The following JMJD1C variants were observed in gnomAD, a reference collection of about 807,000 sequenced individuals.
JMJD1C encodes the protein jumonji domain containing 1C, also known as jumonji domain-containing protein 1C.
JMJD1C carries 31 observed loss-of-function variants against 245.3 expected under a neutral mutation model. The observed-to-expected ratio is 0.13, with a 90% CI of 0.09 to 0.17. The LOEUF (loss-of-function observed/expected upper bound fraction) is 0.17, where lower values mean the gene tolerates loss of function less well. Among genes scored for constraint, JMJD1C ranks in the 10% least tolerant of loss-of-function variants. The probability of loss-of-function intolerance (pLI) is 1.00; values close to 1 mark genes in which losing one functional copy is unlikely to be tolerated. For missense variants in JMJD1C, 2,691 were observed against 3,000.2 expected (o/e 0.90, Z 2.41); for synonymous variants, 1,057 against 1,017.4 (o/e 1.04, Z -0.74).
rs778976062 is a variant in JMJD1C at position 63,429,138 on chromosome 10, ACCTG to A, written c.168+36353_168+36356del. On this transcript the variant is annotated intron_variant, in intron 1 of 25. Coordinates refer to ENST00000399262, the MANE Select transcript of JMJD1C (RefSeq NM_032776.3). ...TGGGATTACAAACATGCACAACCAC[ACCTG>A]CCTAATTTTATATTTTTAGTAGAGA... 2.6e-5 allele frequency among the ~76,000 whole-genome samples: 4 copies of A among 152,130 alleles called. No homozygotes were observed. In the East Asian group the frequency reaches 5.8e-4, roughly 22 times the overall value.
intron 2 of JMJD1C, among the ~76,000 whole-genome samples, chr10:63,307,664 TA>T (rs34555515): frequency 6.6e-6 from 1 of 151,726 alleles, no homozygotes; most frequent in African/African-American, 2.4e-5. Flanking sequence ...AGTAGAGGGC[TA>T]AAAAGCAAAG....
At chr10:63,219,737 C>G (rs1848394695) in intron 4 of JMJD1C, 141 bp downstream of exon 4, 2 of 530,360 alleles carry the variant, frequency 3.8e-6, no homozygotes, top group African/African-American at 3.8e-5. Context: ...TATCACTCTG[C>G]TATTATTTTC....
chr10:63,370,563 ACTG>A (rs1946232646), intron 2 of JMJD1C, among the ~76,000 whole-genome samples: 2 of 152,238 alleles, frequency 1.3e-5, no homozygotes, highest in Admixed American at 1.3e-4. Context: ...TTCCTTGATA[ACTG>A]CTATTTTCCC....
At chr10:63,335,645 A>AGGATTACAGG (rs1942646177) in intron 2 of JMJD1C, among the ~76,000 whole-genome samples, 1 of 152,000 alleles carries the variant, frequency 6.6e-6, no homozygotes, top group African/African-American at 2.4e-5. Flanking sequence ...CCAAGTAGCT[A>AGGATTACAGG]GGATTACAGG....
intron 1 of JMJD1C, among the ~76,000 whole-genome samples, chr10:63,391,867 A>C (rs902049257): frequency 6.6e-6 from 1 of 152,216 alleles, no homozygotes; most frequent in South Asian, 2.1e-4. Context: ...ACAAAACTGA[A>C]GGAATCACAC....
At chr10:63,379,128 C>G (rs1270121480) in intron 2 of JMJD1C, among the ~76,000 whole-genome samples, 2 of 151,912 alleles carry the variant, frequency 1.3e-5, no homozygotes, top group African/African-American at 2.4e-5. Context: ...AGAAAAGCAT[C>G]AGGATTAACT....
chr10:63,491,160 G>C (rs1472717915), intron 1 of JMJD1C, among the ~76,000 whole-genome samples: 1 of 152,164 alleles, frequency 6.6e-6, no homozygotes, highest in African/African-American at 2.4e-5. Flanking sequence ...GGCAGATGGA[G>C]AAAACAGAAA....
At chr10:63,474,867 A>G (rs1163164575) in intron 1 of JMJD1C, among the ~76,000 whole-genome samples, 1 of 152,108 alleles carries the variant, frequency 6.6e-6, no homozygotes, top group Non-Finnish European at 1.5e-5. Context: ...AAAAAAAAAA[A>G]AGAATGAGTA....
intron 2 of JMJD1C, among the ~76,000 whole-genome samples, chr10:63,344,250 C>T (rs1235737250): frequency 6.6e-6 from 1 of 152,058 alleles, no homozygotes; most frequent in African/African-American, 2.4e-5. Context: ...TTTTTTTGTA[C>T]CTTTTCTATG....
chr10:63,256,874 T>C (rs1379135889), intron 3 of JMJD1C, among the ~76,000 whole-genome samples: 2 of 152,162 alleles, frequency 1.3e-5, no homozygotes, highest in African/African-American at 2.4e-5. Flanking sequence ...GAGATGCATA[T>C]GAAAAGTCAG....
chr10:63,327,324 C>T (rs1406821026), intron 2 of JMJD1C, among the ~76,000 whole-genome samples: 2 of 152,304 alleles, frequency 1.3e-5, no homozygotes, highest in Admixed American at 1.3e-4. Flanking sequence ...CAATACTTTG[C>T]TTCATCAATG....
intron 22 of JMJD1C, among the ~76,000 whole-genome samples, chr10:63,178,666 TA>T (rs1473125601): frequency 6.6e-6 from 1 of 152,230 alleles, no homozygotes; most frequent in Non-Finnish European, 1.5e-5. Flanking sequence ...TGATAATGGT[TA>T]ATCTGTAATC....
At chr10:63,306,676 T>G (rs1038631776) in intron 2 of JMJD1C, among the ~76,000 whole-genome samples, 1 of 152,224 alleles carries the variant, frequency 6.6e-6, no homozygotes, top group Non-Finnish European at 1.5e-5. Context: ...GACCTTATTT[T>G]TAAGAGTTCC....
chr10:63,423,230 G>T (rs1191074470), intron 1 of JMJD1C, among the ~76,000 whole-genome samples: 1 of 149,352 alleles, frequency 6.7e-6, no homozygotes, highest in African/African-American at 2.6e-5. Context: ...CTTCCAAACT[G>T]CTGGGATTAC....
At chr10:63,473,258 T>G (rs1347369670) in intron 1 of JMJD1C, among the ~76,000 whole-genome samples, 3 of 152,048 alleles carry the variant, frequency 2.0e-5, no homozygotes, top group Non-Finnish European at 2.9e-5. Flanking sequence ...AAAAACTTTT[T>G]TTTTTGAGAC....
At chr10:63,484,236 G>GGATGGATGGATGGATGGATGGATGGATA (rs1416097314) in intron 1 of JMJD1C, among the ~76,000 whole-genome samples, 68 of 92,746 alleles carry the variant, frequency 7.3e-4, no homozygotes, top group African/African-American at 1.8e-3. Flanking sequence ...ATGGATGGAT[G>GGATGGATGGATGGATGGATGGATGGATA]GATAGATAGA....
intron 3 of JMJD1C, among the ~76,000 whole-genome samples, chr10:63,221,347 T>G (rs749282789): frequency 4.7e-4 from 72 of 152,158 alleles, no homozygotes; most frequent in Non-Finnish European, 4.1e-4. Context: ...CACTACTCTG[T>G]ATTTTTAGAA....
chr10:63,419,834 T>TAAAAAAA (rs34006135), intron 1 of JMJD1C, among the ~76,000 whole-genome samples: 3 of 114,484 alleles, frequency 2.6e-5, no homozygotes, highest in Non-Finnish European at 3.7e-5. Context: ...CTCCATGAAA[T>TAAAAAAA]AAAAAAAAAA....
chr10:63,443,111 A>T (rs554953134), intron 1 of JMJD1C, among the ~76,000 whole-genome samples: 1 of 152,274 alleles, frequency 6.6e-6, no homozygotes, highest in Admixed American at 6.5e-5. Flanking sequence ...ATTTGGTGCA[A>T]TAACTCACAG....
Sources: gnomAD v4.1 joint callset for allele counts (sites outside exome capture counted in the v4.1 genomes callset) on GRCh38, gnomAD v4.1.1 for gene constraint, MANE v1.5 for transcripts, NCBI Gene and HGNC (gene_info 2026-07-23, HGNC 2026-07-21) for gene names.